The following PBX1 variants were observed in gnomAD, a reference collection of about 807,000 sequenced individuals.
PBX1 encodes the protein PBX homeobox 1.
PBX1 carries 6 observed loss-of-function variants against 53.4 expected under a neutral mutation model. The observed-to-expected ratio is 0.11, with a 90% CI of 0.06 to 0.22. PBX1 has a LOEUF of 0.22. Ranked by LOEUF, PBX1 falls within the 10% of genes least tolerant of loss-of-function variation. The pLI is 1.00. For synonymous variants in PBX1, 204 were observed against 212.3 expected (o/e 0.96, Z 0.34); for missense variants, 251 against 551.4 (o/e 0.46, Z 5.46).
chr1:164,766,270 G>A (rs1401109005), intron 2 of PBX1, among the ~76,000 whole-genome samples: 1 of 152,224 alleles, frequency 6.6e-6, no homozygotes, highest in East Asian at 1.9e-4. Context: ...GAGAGAAACA[G>A]CTGGACTGAG....
chr1:164,648,842 G>T (rs571378019), intron 2 of PBX1, among the ~76,000 whole-genome samples: 1 of 152,208 alleles, frequency 6.6e-6, no homozygotes, highest in East Asian at 1.9e-4. Flanking sequence ...ATGCACCAGA[G>T]CAGGGGCCTC....
chr1:164,808,669 A>C, intron 5 of PBX1, among the ~76,000 whole-genome samples: 1 of 152,186 alleles, frequency 6.6e-6, no homozygotes, highest in Admixed American at 6.5e-5. Context: ...GACTTCTGTT[A>C]ATCCCTGCAG....
intron 2 of PBX1, chr1:164,683,625 A>G (rs1158544040): frequency 6.6e-6 from 1 of 152,148 alleles, no homozygotes; most frequent in Non-Finnish European, 1.5e-5. Context: ...TCCAAAACAC[A>G]TACACACTCT....
chr1:164,743,991 G>C (rs1208369913), intron 2 of PBX1, among the ~76,000 whole-genome samples: 1 of 152,172 alleles, frequency 6.6e-6, no homozygotes, highest in East Asian at 1.9e-4. Flanking sequence ...AGGAAAGGTA[G>C]AATGGATATT....
Position 164,851,333 on chromosome 1 carries a change from C to T in PBX1, c.*4657C>T, listed in dbSNP as rs1015598005. ...AAAGAAAGAATGCAGAATTGTGGAG[C>T]AATGCTTTAGGAAATATTTCTACCT... On this transcript the variant is annotated 3_prime_UTR_variant, in exon 9 of 9. Transcript: ENST00000420696. 4 of 206,094 alleles carry T rather than the reference C, an allele frequency of 1.9e-5. No individual in the cohort carries two copies. The highest frequency in any genetic ancestry group is 9.1e-5 in the African/African-American group (4 of 43,776). The allele number at this position is 206,094 out of a possible 1,614,324, so 12.8% of individuals were successfully genotyped here.
chr1:164,834,428 C>T (rs1320733098), intron 8 of PBX1, among the ~76,000 whole-genome samples: 1 of 151,378 alleles, frequency 6.6e-6, no homozygotes, highest in Non-Finnish European at 1.5e-5. Context: ...ACTGCAACCT[C>T]CACTTCCTGG....
chr1:164,662,202 T>C (rs1660528389), intron 2 of PBX1, among the ~76,000 whole-genome samples: 1 of 152,184 alleles, frequency 6.6e-6, no homozygotes. Flanking sequence ...GGTGCACACC[T>C]GTAACCCCAG....
chr1:164,801,383 T>G (rs1039807861), intron 4 of PBX1, among the ~76,000 whole-genome samples: 3 of 151,840 alleles, frequency 2.0e-5, no homozygotes, highest in African/African-American at 7.3e-5. Flanking sequence ...CTGCATGTAT[T>G]GCTTACATCT....
At chr1:164,685,487 C>G (rs1662043418) in intron 2 of PBX1, among the ~76,000 whole-genome samples, 1 of 152,212 alleles carries the variant, frequency 6.6e-6, no homozygotes, top group Non-Finnish European at 1.5e-5. Flanking sequence ...TCCCAGTGAA[C>G]ATCTGAGCCA....
intron 2 of PBX1, among the ~76,000 whole-genome samples, chr1:164,882,803 A>G (rs183522454): frequency 1.3e-5 from 2 of 152,234 alleles, no homozygotes; most frequent in Non-Finnish European, 2.9e-5. Flanking sequence ...TACTTATTTT[A>G]TAGGGGTATC....
At chr1:164,844,555 G>A (rs1671470057) in intron 8 of PBX1, among the ~76,000 whole-genome samples, 1 of 152,144 alleles carries the variant, frequency 6.6e-6, no homozygotes, top group South Asian at 2.1e-4. Context: ...GATTATGGGT[G>A]CATGCTGTAT....
chr1:164,718,399 T>A (rs1664226948), intron 2 of PBX1, among the ~76,000 whole-genome samples: 1 of 152,168 alleles, frequency 6.6e-6, no homozygotes, highest in African/African-American at 2.4e-5. Flanking sequence ...TTTGAGGACA[T>A]AACTCTGAGT....
At chr1:164,834,657 C>A (rs1251114355) in intron 8 of PBX1, among the ~76,000 whole-genome samples, 2 of 152,064 alleles carry the variant, frequency 1.3e-5, no homozygotes, top group Non-Finnish European at 2.9e-5. Context: ...CCCTATTTTT[C>A]ATGGAAAGGA....
intron 2 of PBX1, among the ~76,000 whole-genome samples, chr1:164,746,447 G>C (rs956262797): frequency 6.6e-6 from 1 of 152,148 alleles, no homozygotes; most frequent in Non-Finnish European, 1.5e-5. Flanking sequence ...CACGATCTCA[G>C]CTCACTGCAA....
At chr1:164,765,705 C>A (rs1416168520) in intron 2 of PBX1, among the ~76,000 whole-genome samples, 1 of 152,156 alleles carries the variant, frequency 6.6e-6, no homozygotes, top group Non-Finnish European at 1.5e-5. Flanking sequence ...AACTGACTCT[C>A]CCAGAGTCAG....
At chr1:164,672,064 C>T (rs1361291122) in intron 2 of PBX1, among the ~76,000 whole-genome samples, 9 of 150,696 alleles carry the variant, frequency 6.0e-5, no homozygotes, top group Admixed American at 4.0e-4. Context: ...CTTTTATTCC[C>T]CTGTTGACAC....
chr1:164,849,086 A>G lies in PBX1; in HGVS notation c.*2410A>G, dbSNP rs1571525610. 1 of 1,323,274 alleles carries G rather than the reference A, an allele frequency of 7.6e-7. No homozygotes were observed. The highest frequency in any genetic ancestry group is 2.9e-5 in the East Asian group (1 of 34,212). The allele number at this position is 1,323,274 out of a possible 1,614,324, so 82.0% of individuals were successfully genotyped here. On this transcript the variant is annotated 3_prime_UTR_variant, in exon 9 of 9. Transcript: ENST00000420696. ...TGGCAGGAATATAATGAAACTACCC[A>G]CGCAAGAACATGGTTGAATCACATT...
At chr1:164,578,492 C>T (rs189664300) in intron 2 of PBX1, among the ~76,000 whole-genome samples, 2 of 152,292 alleles carry the variant, frequency 1.3e-5, no homozygotes, top group Admixed American at 1.3e-4. Flanking sequence ...CTAATTATTG[C>T]TTTAGCAAAT....
chr1:164,789,761 A>G (rs1292726987), intron 2 of PBX1, among the ~76,000 whole-genome samples: 1 of 152,206 alleles, frequency 6.6e-6, no homozygotes, highest in Admixed American at 6.5e-5. Flanking sequence ...ACTTGAAGGC[A>G]TTAACACCCA....
Sources: allele counts gnomAD v4.1 joint callset (sites outside exome capture counted in the v4.1 genomes callset), GRCh38; gene constraint gnomAD v4.1.1; transcripts MANE v1.5; gene names NCBI Gene and HGNC (gene_info 2026-07-23, HGNC 2026-07-21).